Variants in ZNF730 observed in about 807,000 individuals in gnomAD.
ZNF730 encodes zinc finger protein 730, also known as putative zinc finger protein 730.
Under a neutral mutation model 12.6 loss-of-function variants are expected in ZNF730, and 12 were observed. That is an observed-to-expected ratio of 0.95 (90% CI 0.61 to 1.54). The LOEUF (loss-of-function observed/expected upper bound fraction) is 1.54. Among genes scored for constraint, ZNF730 ranks in the 40% most tolerant of loss-of-function variants. The probability of loss-of-function intolerance (pLI) is 0.00; values close to 1 mark genes in which losing one functional copy is unlikely to be tolerated. For missense variants in ZNF730, 643 were observed against 583.5 expected (o/e 1.10, Z -1.05); for synonymous variants, 194 against 195.8 (o/e 0.99, Z 0.08).
At chr19:23,119,010 C>T (rs1029091546) in intron 1 of ZNF730, among the ~76,000 whole-genome samples, 2 of 152,114 alleles carry the variant, frequency 1.3e-5, no homozygotes, top group African/African-American at 2.4e-5. Context: ...GTTTTAATTT[C>T]CTCTCTTCCT....
At chr19:23,109,820 T>G (rs956325421) in intron 1 of ZNF730, among the ~76,000 whole-genome samples, 4 of 152,234 alleles carry the variant, frequency 2.6e-5, no homozygotes, top group South Asian at 4.2e-4. Flanking sequence ...GTGCTGAGAT[T>G]ACAGGCGTGA....
intron 1 of ZNF730, among the ~76,000 whole-genome samples, chr19:23,098,584 C>T (rs73029430): frequency 0.14 from 20,896 of 152,104 alleles, 1,550 homozygotes; most frequent in Non-Finnish European, 0.17. Context: ...TCTACCTGTC[C>T]CCTGCTTACA....
chr19:23,141,360 A>T (rs1473327862), intron 3 of ZNF730, among the ~76,000 whole-genome samples: 6 of 151,528 alleles, frequency 4.0e-5, no homozygotes, highest in Non-Finnish European at 8.8e-5. Flanking sequence ...ACGCCACTGC[A>T]CTCCAACGTG....
At position 23,117,079 on chromosome 19, in the gene ZNF730, C is replaced by G; in HGVS notation, c.-95C>G. The G allele has an allele frequency of 1.3e-6, 2 of 1,596,996 alleles. No homozygotes were observed. Among genetic ancestry groups the G allele is most frequent in the Non-Finnish European group, 1.7e-6 (2 of 1,167,168 alleles). ...CAATTTTCGTCTGTCTGCTTTGTGT[C>G]CTCTGCACGTAGAAGCCCAGCCTGT... On this transcript the variant is annotated 5_prime_UTR_variant, in exon 1 of 4. Transcript: ENST00000597761.
At chr19:23,121,650 T>C (rs905391136) in intron 1 of ZNF730, among the ~76,000 whole-genome samples, 12 of 152,194 alleles carry the variant, frequency 7.9e-5, no homozygotes, top group Non-Finnish European at 1.8e-4. Context: ...GAACTTGTTT[T>C]ATTCATGTGC....
intron 1 of ZNF730, chr19:23,123,143 A>C (rs112663657): frequency 2.6e-5 from 4 of 152,216 alleles, no homozygotes; most frequent in Non-Finnish European, 5.9e-5. Flanking sequence ...TTGCAAGCTC[A>C]AATATATTCC....
chr19:23,084,596 A>T (rs1970026098), intron 1 of ZNF730, among the ~76,000 whole-genome samples: 1 of 152,084 alleles, frequency 6.6e-6, no homozygotes, highest in Admixed American at 6.6e-5. Flanking sequence ...ATTTTTCCTG[A>T]TCCTTTTCCT....
At chr19:23,127,883 C>T (rs1970690018) in intron 1 of ZNF730, 6 of 665,524 alleles carry the variant, frequency 9.0e-6, no homozygotes, top group Admixed American at 4.4e-5. Flanking sequence ...ATATTACACA[C>T]AGCATATGCT....
intron 1 of ZNF730, among the ~76,000 whole-genome samples, chr19:23,111,896 A>G (rs1397069853): frequency 6.6e-6 from 1 of 152,258 alleles, no homozygotes; most frequent in Non-Finnish European, 1.5e-5. Context: ...TGGAAGGCCT[A>G]TGCACCTAAG....
chr19:23,130,687 G>A (rs929569373), intron 1 of ZNF730, among the ~76,000 whole-genome samples: 13 of 150,996 alleles, frequency 8.6e-5, no homozygotes, highest in African/African-American at 3.2e-4. Flanking sequence ...TGTTTAAATG[G>A]CTTATTAGTA....
At chr19:23,128,927 G>A (rs1055340096) in intron 1 of ZNF730, among the ~76,000 whole-genome samples, 2 of 152,174 alleles carry the variant, frequency 1.3e-5, no homozygotes, top group Non-Finnish European at 2.9e-5. Flanking sequence ...CTGTATTCCA[G>A]CCACTACAGT....
intron 1 of ZNF730, chr19:23,100,469 G>C (rs1970321123): frequency 1.3e-5 from 2 of 152,088 alleles, no homozygotes; most frequent in Non-Finnish European, 2.9e-5. Flanking sequence ...CCTCACACAG[G>C]TGAGATCGTG....
rs1971020046 is a variant in ZNF730 at position 23,146,690 on chromosome 19, A to C, written c.*134A>C. ...TTTAACCAGTCCTCAAATCTTACTAAACATAAGGTAATTCATACTGGAGAA... is the reference window on the plus strand; with the variant it reads ...TTTAACCAGTCCTCAAATCTTACTACACATAAGGTAATTCATACTGGAGAA... On this transcript the variant is annotated 3_prime_UTR_variant, in exon 4 of 4. Transcript: ENST00000597761. 1.4e-6 allele frequency: 2 copies of C among 1,469,260 alleles called. No individual in the cohort carries two copies. Among genetic ancestry groups the C allele is most frequent in the Non-Finnish European group, 1.9e-6 (2 of 1,051,318 alleles). The allele number at this position is 1,469,260 out of a possible 1,614,324, so 91.0% of individuals were successfully genotyped here. A position where few individuals can be genotyped will look rare whatever the true frequency, so the allele number is the denominator to read the frequency against.
chr19:23,091,710 C>G (rs912319210), intron 1 of ZNF730, among the ~76,000 whole-genome samples: 1 of 152,168 alleles, frequency 6.6e-6, no homozygotes, highest in African/African-American at 2.4e-5. Flanking sequence ...CAATTTATCT[C>G]ATTTGGAATG....
In ZNF730 at chr19:23,085,836, C is replaced by CTTTTTTTTTTTTTTT. The variant is rs556123915; in HGVS notation, c.-94+10462_-94+10476dup. The stretch of plus-strand genomic sequence containing the variant: ...GACCTATTTCACCCAATTTTTTTTT[C>CTTTTTTTTTTTTTTT]TTTTTTTTTTTTTTTTTTTTTTTTT... On this transcript the variant is annotated intron_variant, in intron 1 of 2. Transcript: ENST00000593635. 2.1e-3 allele frequency among the ~76,000 whole-genome samples: 117 copies of CTTTTTTTTTTTTTTT among 54,856 alleles called. 23 individuals are homozygous for CTTTTTTTTTTTTTTT. Among genetic ancestry groups the CTTTTTTTTTTTTTTT allele is most frequent in the African/African-American group, 3.1e-3 (37 of 12,034 alleles). The allele number at this position is 54,856 out of a possible 152,430, so 36.0% of individuals were successfully genotyped here. A position where few individuals can be genotyped will look rare whatever the true frequency, so the allele number is the denominator to read the frequency against.
intron 1 of ZNF730, chr19:23,127,763 G>A (rs1359862549): frequency 2.2e-6 from 2 of 908,974 alleles, no homozygotes; most frequent in African/African-American, 1.6e-5. Flanking sequence ...TTCCTGAGAG[G>A]AAGTTAGGGC....
upstream of ZNF730, among the ~76,000 whole-genome samples, chr19:23,116,573 C>CTTTTTTTTTTTTTT (rs5827552): frequency 4.6e-5 from 4 of 86,912 alleles, no homozygotes; most frequent in Non-Finnish European, 6.3e-5. Flanking sequence ...CTCCCAGCTA[C>CTTTTTTTTTTTTTT]TTTTTTTTTT....
chr19:23,078,089 C>T (rs931027947), intron 1 of ZNF730, among the ~76,000 whole-genome samples: 3 of 152,092 alleles, frequency 2.0e-5, no homozygotes. Flanking sequence ...AGGTTTTTCC[C>T]CATGTGATAG....
chr19:23,101,626 A>G (rs1310782024), intron 1 of ZNF730, among the ~76,000 whole-genome samples: 1 of 152,026 alleles, frequency 6.6e-6, no homozygotes, highest in Non-Finnish European at 1.5e-5. Context: ...CTGCACCTTG[A>G]TGGTGCAATC....
Sources: allele counts gnomAD v4.1 joint callset (sites outside exome capture counted in the v4.1 genomes callset), GRCh38; gene constraint gnomAD v4.1.1; transcripts MANE v1.5; gene names NCBI Gene and HGNC (gene_info 2026-07-23, HGNC 2026-07-21).